CCDC88C: variants seen among roughly 807,000 people sequenced by gnomAD.
CCDC88C encodes the protein coiled-coil and HOOK domain protein 88C.
In CCDC88C, 131 loss-of-function variants were observed where a neutral mutation model predicts 198.8. That is an observed-to-expected ratio of 0.66 (90% CI 0.57 to 0.76). The LOEUF (loss-of-function observed/expected upper bound fraction) is 0.76, where lower values mean the gene tolerates loss of function less well. Among genes scored for constraint, CCDC88C ranks in the 30% least tolerant of loss-of-function variants. CCDC88C has a pLI of 0.00. For missense variants in CCDC88C, 2,553 were observed against 2,631.6 expected (o/e 0.97, Z 0.65); for synonymous variants, 1,166 against 1,114.7 (o/e 1.05, Z -0.92).
At chr14:91,354,205 A>C (rs1243962249) in intron 4 of CCDC88C, among the ~76,000 whole-genome samples, 2 of 152,210 alleles carry the variant, frequency 1.3e-5, no homozygotes, top group Non-Finnish European at 2.9e-5. Context: ...CCTGGAAGAA[A>C]AAACAATGCT....
chr14:91,389,292 C>A (rs964895760), intron 3 of CCDC88C, among the ~76,000 whole-genome samples: 4 of 152,156 alleles, frequency 2.6e-5, no homozygotes, highest in African/African-American at 4.8e-5. Context: ...GGGTCATGGG[C>A]CCTGACCTCT....
chr14:91,300,226 G>A (rs1001844791), intron 20 of CCDC88C, among the ~76,000 whole-genome samples, 156 bp from the exon 21 acceptor site: 3 of 152,220 alleles, frequency 2.0e-5, no homozygotes, highest in African/African-American at 7.2e-5. Context: ...GGGAACAGGC[G>A]GGGAGCGCAG....
Position 91,277,951 on chromosome 14 carries a change from C to G in CCDC88C, c.5029G>C (p.Glu1677Gln), listed in dbSNP as rs1056772404. Residue 1677 changes from glutamate to glutamine, a missense_variant, in exon 29 of 30, where the codon GAG (glutamate) becomes CAG (glutamine). Around this residue, in one of 2 missense-constraint regions of CCDC88C, gnomAD observed 1,293 missense variants for 1,219.6 expected, o/e 1.06. Coordinates refer to ENST00000389857, the MANE Select transcript of CCDC88C (RefSeq NM_001080414.4). ...SEMVTLEEFL[E>Q]ESNRSSPTHD... ...GTGGGGGAGCTGCGGTTGCTCTCCT[C>G]CAGGAACTCCTCCAAGGTGACCATC... 2 of 1,530,968 alleles carry G rather than the reference C, an allele frequency of 1.3e-6. No individual in the cohort carries two copies. Among genetic ancestry groups the G allele is most frequent in the Admixed American group, 2.0e-5 (1 of 50,382 alleles). 94.8% of individuals were successfully genotyped at this position (1,530,968 alleles called of 1,614,324 possible). A position where few individuals can be genotyped will look rare whatever the true frequency, so the allele number is the denominator to read the frequency against.
chr14:91,282,049 G>A (rs148724727), intron 26 of CCDC88C, among the ~76,000 whole-genome samples: 7 of 152,272 alleles, frequency 4.6e-5, no homozygotes, highest in Non-Finnish European at 8.8e-5. Context: ...TCAAGCATTT[G>A]GCCTTTCCCT....
rs776127742 is a variant in CCDC88C, at chr14:91,324,741, A to T, written c.1342+38T>A. On this transcript the variant is annotated intron_variant, in intron 12 of 29. Coordinates refer to ENST00000389857, the MANE Select transcript of CCDC88C (RefSeq NM_001080414.4). ...CAGCTCCCTGGAGGCAGCGGCGGCC[A>T]CGGCCAGGCTGGCTCCCCGGCACCA... The T allele has an allele frequency of 5.0e-6, 8 of 1,603,260 alleles. No homozygotes were observed. The Middle Eastern group carries it at 5.0e-4, about 101-fold the overall frequency.
chr14:91,300,320 T>G (rs1304898704), intron 20 of CCDC88C, among the ~76,000 whole-genome samples: 3 of 152,194 alleles, frequency 2.0e-5, no homozygotes, highest in Non-Finnish European at 4.4e-5. Context: ...CCATAGTCCC[T>G]CCATGCCCTG....
At chr14:91,280,044 T>C (rs935886810) in intron 27 of CCDC88C, 2 of 152,290 alleles carry the variant, frequency 1.3e-5, no homozygotes, top group African/African-American at 4.8e-5. Flanking sequence ...GCTGGCACCA[T>C]TCCCTACAGA....
intron 3 of CCDC88C, among the ~76,000 whole-genome samples, chr14:91,392,661 C>G (rs1885575295): frequency 6.6e-6 from 1 of 152,130 alleles, no homozygotes; most frequent in African/African-American, 2.4e-5. Flanking sequence ...GGACCTGGCC[C>G]TTTGGAGTTC....
intron 2 of CCDC88C, among the ~76,000 whole-genome samples, chr14:91,410,625 T>G (rs977889306): frequency 6.6e-6 from 1 of 152,238 alleles, no homozygotes; most frequent in Non-Finnish European, 1.5e-5. Flanking sequence ...GAATTTAAAC[T>G]GCAAAGGCAT....
intron 3 of CCDC88C, among the ~76,000 whole-genome samples, chr14:91,398,798 T>A (rs1885996654): frequency 1.3e-5 from 2 of 152,186 alleles, no homozygotes; most frequent in African/African-American, 4.8e-5. Context: ...CCCTGAGAGC[T>A]GCAGCCCTCT....
intron 3 of CCDC88C, among the ~76,000 whole-genome samples, chr14:91,393,156 T>C (rs1188290987): frequency 1.3e-5 from 2 of 152,038 alleles, no homozygotes; most frequent in Non-Finnish European, 2.9e-5. Context: ...AGTGCAGTCA[T>C]CACCCCCATC....
rs374748269 is a variant in CCDC88C, at chr14:91,272,604, G to C, written c.*21C>G. On this transcript the variant is annotated 3_prime_UTR_variant, in exon 30 of 30. Transcript: ENST00000389857. ...AGGCGCGTCAGTAGTTTTCAGGTTT[G>C]CGAGCTCAACCACGAGACAGTCACA... The C allele has an allele frequency of 8.6e-5, 137 of 1,587,614 alleles. No homozygotes were observed. The highest frequency in any genetic ancestry group is 1.1e-4 in the Non-Finnish European group (132 of 1,168,304).
chr14:91,303,623 C>T, intron 20 of CCDC88C, 78 bp downstream of exon 20: 1 of 1,422,238 alleles, frequency 7.0e-7, no homozygotes, highest in South Asian at 1.4e-5. Context: ...CTACCCCAGG[C>T]CCCACCTTTC....
intron 3 of CCDC88C, among the ~76,000 whole-genome samples, chr14:91,392,987 G>A (rs527482195): frequency 6.6e-6 from 1 of 152,332 alleles, no homozygotes; most frequent in South Asian, 2.1e-4. Flanking sequence ...AGGTGCTGGG[G>A]AAGGAGAAAC....
chr14:91,358,517 G>A (rs1894146422), intron 4 of CCDC88C, among the ~76,000 whole-genome samples: 1 of 152,208 alleles, frequency 6.6e-6, no homozygotes, highest in Non-Finnish European at 1.5e-5. Flanking sequence ...TGCGACTTCT[G>A]TCCACCAGCT....
At chr14:91,308,598 G>A (rs1035374824) in intron 16 of CCDC88C, 106 bp from the exon 17 acceptor site, 3 of 1,195,570 alleles carry the variant, frequency 2.5e-6, no homozygotes, top group Non-Finnish European at 3.6e-6. Context: ...CTGGGTTACG[G>A]AGCTGCTGCA....
At chr14:91,342,286 C>A in intron 6 of CCDC88C, 94 bp downstream of exon 6, 1 of 727,338 alleles carries the variant, frequency 1.4e-6, no homozygotes, top group South Asian at 1.6e-5. Context: ...GTGATGTATT[C>A]TTCAAACGTT....
chr14:91,273,075 C>T lies in CCDC88C; in HGVS notation c.5637G>A (p.Arg1879=). 6.4e-7 allele frequency: 1 copy of T among 1,559,908 alleles called. No individual in the cohort carries two copies. The highest frequency in any genetic ancestry group is 1.7e-4 in the Middle Eastern group (1 of 5,940). The change falls in exon 30 of 30, where the codon CGG becomes CGA. Residue 1879 remains arginine, a synonymous_variant. Coordinates refer to ENST00000389857, the MANE Select transcript of CCDC88C (RefSeq NM_001080414.4). This position sits in a 1 kb window ranked among gnomAD's most constrained non-coding sequence, Gnocchi z 5.6. ...GGGAGAAGCGCCTCGTGTCCAGCGGCCGGCTGCGGGGACCTGGGCCCTGAC... is the reference window on the plus strand; with the variant it reads ...GGGAGAAGCGCCTCGTGTCCAGCGGTCGGCTGCGGGGACCTGGGCCCTGAC... ...SSCQGPGPRS[R]PLDTRRFSLA...
At chr14:91,392,634 A>C (rs1252517081) in intron 3 of CCDC88C, among the ~76,000 whole-genome samples, 1 of 152,200 alleles carries the variant, frequency 6.6e-6, no homozygotes, top group Non-Finnish European at 1.5e-5. Flanking sequence ...AACATTTTAA[A>C]GCCCAGCCCA....
Sources: gnomAD v4.1 joint callset for allele counts (sites outside exome capture counted in the v4.1 genomes callset) on GRCh38, gnomAD v4.1.1 for gene constraint, gnomAD v4.1.1 regional missense constraint, Gnocchi (gnomAD v3.1) non-coding constraint, MANE v1.5 for transcripts, NCBI Gene and HGNC (gene_info 2026-07-23, HGNC 2026-07-21) for gene names.